The following ADAM12 variants were observed in gnomAD, a reference collection of about 807,000 sequenced individuals.
ADAM12 encodes the protein ADAM metallopeptidase domain 12, also known as disintegrin and metalloproteinase domain-containing protein 12.
A neutral mutation model predicts 106.4 loss-of-function variants in ADAM12; 70 were observed. The observed-to-expected ratio is 0.66, with a 90% CI of 0.54 to 0.80. ADAM12 has a LOEUF of 0.80. Among genes scored for constraint, ADAM12 ranks in the 30% least tolerant of loss-of-function variants. The pLI, the probability that ADAM12 is intolerant of heterozygous loss-of-function variation, is 0.00. For synonymous variants in ADAM12, 420 were observed against 433.5 expected (o/e 0.97, Z 0.39); for missense variants, 1,010 against 1,171.9 (o/e 0.86, Z 2.02).
At position 126,130,876 on chromosome 10, in the gene ADAM12, T is replaced by G. The variant is rs190460533; in HGVS notation, c.416+4708A>C. ...GAGTTAATGTCACTAGTTTATAAGT[T>G]GTTTTATTAAGGTAAATAGGAGCTA... On this transcript the variant is annotated intron_variant, in intron 5 of 22. Transcript: ENST00000448723. 4.0e-3 allele frequency among the ~76,000 whole-genome samples: 615 copies of G among 152,328 alleles called. 4 individuals carry two copies. Among genetic ancestry groups the G allele is most frequent in the Non-Finnish European group, 6.6e-3 (448 of 68,026 alleles).
At chr10:126,048,892 C>T (rs1219802772) in intron 16 of ADAM12, among the ~76,000 whole-genome samples, 7 of 152,156 alleles carry the variant, frequency 4.6e-5, no homozygotes, top group African/African-American at 1.7e-4. Flanking sequence ...CCATTCTGTT[C>T]AGGTGAGGAC....
chr10:126,238,776 T>C (rs1400114326), intron 3 of ADAM12, among the ~76,000 whole-genome samples: 1 of 152,184 alleles, frequency 6.6e-6, no homozygotes, highest in Non-Finnish European at 1.5e-5. Context: ...AATAAATCCA[T>C]AGTTCTCTGC....
intron 4 of ADAM12, among the ~76,000 whole-genome samples, chr10:126,144,849 T>A (rs1343367951): frequency 1.3e-5 from 2 of 152,172 alleles, no homozygotes; most frequent in Non-Finnish European, 2.9e-5. Flanking sequence ...AAGCCCCGAC[T>A]GAGTGCCAGG....
chr10:126,278,359 T>C (rs189236383), intron 3 of ADAM12, among the ~76,000 whole-genome samples: 120 of 152,272 alleles, frequency 7.9e-4, no homozygotes, highest in African/African-American at 2.6e-3. Context: ...GCACACAAAA[T>C]GTATAATAGT....
At chr10:126,109,992 C>A in intron 6 of ADAM12, 152 bp from the exon 7 acceptor site, 1 of 522,306 alleles carries the variant, frequency 1.9e-6, no homozygotes. Flanking sequence ...AAGTTTACCC[C>A]AACTCCAACC....
At chr10:126,133,052 T>C (rs1185732344) in intron 5 of ADAM12, among the ~76,000 whole-genome samples, 2 of 152,168 alleles carry the variant, frequency 1.3e-5, no homozygotes, top group African/African-American at 4.8e-5. Flanking sequence ...AATCCTATCC[T>C]GATCCAAATC....
At chr10:126,155,646 C>G (rs1280643112) in intron 3 of ADAM12, among the ~76,000 whole-genome samples, 4 of 152,176 alleles carry the variant, frequency 2.6e-5, no homozygotes, top group African/African-American at 9.7e-5. Context: ...TATACTCTTC[C>G]ATGAATAGTA....
At chr10:126,036,915 T>C (rs1032395305) in intron 20 of ADAM12, among the ~76,000 whole-genome samples, 5 of 152,092 alleles carry the variant, frequency 3.3e-5, no homozygotes, top group Admixed American at 2.0e-4. Flanking sequence ...TGACATAAAG[T>C]ATACAACTTG....
At chr10:126,088,547 C>CAAA (rs5788764) in intron 11 of ADAM12, among the ~76,000 whole-genome samples, 1,829 of 145,056 alleles carry the variant, frequency 0.013, 15 homozygotes, top group African/African-American at 0.028. Context: ...TTAAATATAC[C>CAAA]AAAAAAAAAA....
At chr10:126,353,607 T>C (rs1192440551) in intron 1 of ADAM12, among the ~76,000 whole-genome samples, 2 of 152,220 alleles carry the variant, frequency 1.3e-5, no homozygotes, top group East Asian at 1.9e-4. Flanking sequence ...TCTCAACCTG[T>C]TTATTAAAGA....
At chr10:126,315,065 A>T (rs1853809832) in intron 2 of ADAM12, among the ~76,000 whole-genome samples, 2 of 152,160 alleles carry the variant, frequency 1.3e-5, no homozygotes, top group Admixed American at 1.3e-4. Context: ...GAAACAGTTA[A>T]ACTCATTTGC....
chr10:126,220,747 C>T (rs1958075088), intron 3 of ADAM12, among the ~76,000 whole-genome samples: 1 of 152,234 alleles, frequency 6.6e-6, no homozygotes, highest in African/African-American at 2.4e-5. Context: ...AAGTCTTACC[C>T]AATGTGAGCA....
chr10:126,314,558 G>T (rs1056259973), intron 2 of ADAM12, among the ~76,000 whole-genome samples: 1 of 152,114 alleles, frequency 6.6e-6, no homozygotes, highest in African/African-American at 2.4e-5. Context: ...CAAGAGATAC[G>T]ACATGGACAT....
chr10:126,328,099 C>T (rs928178233), intron 2 of ADAM12, among the ~76,000 whole-genome samples: 2 of 152,194 alleles, frequency 1.3e-5, no homozygotes, highest in Admixed American at 1.3e-4. Flanking sequence ...CCCTGCTGGC[C>T]CCTAGAATAC....
At chr10:126,116,657 G>C (rs1348647323) in intron 6 of ADAM12, among the ~76,000 whole-genome samples, 1 of 152,038 alleles carries the variant, frequency 6.6e-6, no homozygotes, top group Non-Finnish European at 1.5e-5. Context: ...CGAAAAAGAG[G>C]TTGTGAGCAC....
At chr10:126,194,278 C>CAAAA (rs35778124) in intron 3 of ADAM12, among the ~76,000 whole-genome samples, 11 of 58,026 alleles carry the variant, frequency 1.9e-4, no homozygotes, top group Non-Finnish European at 2.7e-4. Flanking sequence ...TTCATATGCT[C>CAAAA]AAAAAAAAAA....
intron 5 of ADAM12, among the ~76,000 whole-genome samples, chr10:126,118,936 T>G (rs2133623752): frequency 6.6e-6 from 1 of 152,346 alleles, no homozygotes; most frequent in African/African-American, 2.4e-5. Flanking sequence ...CCAAAAGCCA[T>G]TAGGAAATCT....
intron 3 of ADAM12, among the ~76,000 whole-genome samples, chr10:126,277,780 A>T (rs1359764888): frequency 6.6e-6 from 1 of 152,140 alleles, no homozygotes; most frequent in Non-Finnish European, 1.5e-5. Context: ...GAGCAGTAAG[A>T]ATGTAAGAAA....
At chr10:126,059,274 T>C (rs1037630033) in intron 14 of ADAM12, among the ~76,000 whole-genome samples, 83 of 152,100 alleles carry the variant, frequency 5.5e-4, no homozygotes, top group African/African-American at 1.9e-3. Flanking sequence ...CTTCCCCAGT[T>C]CAGTCAAATC....
Sources: allele counts gnomAD v4.1 joint callset (sites outside exome capture counted in the v4.1 genomes callset), GRCh38; gene constraint gnomAD v4.1.1; transcripts MANE v1.5; gene names NCBI Gene and HGNC (gene_info 2026-07-23, HGNC 2026-07-21).